The following PPM1A variants were observed in gnomAD, a reference collection of about 807,000 sequenced individuals.
PPM1A encodes protein phosphatase, Mg2+/Mn2+ dependent 1A.
A neutral mutation model predicts 35.0 loss-of-function variants in PPM1A; 7 were observed. That is an observed-to-expected ratio of 0.20 (90% confidence interval 0.11 to 0.38). The LOEUF is 0.38. PPM1A is among the 10% of genes least tolerant of loss of function. PPM1A has a pLI of 1.00. For missense variants in PPM1A, 239 were observed against 467.8 expected, an observed-to-expected ratio of 0.51 and a Z score of 4.51; for synonymous variants, 153 against 167.3, an observed-to-expected ratio of 0.91 and a Z score of 0.66.
At chr14:60,271,848 C>T (rs991955355) in intron 1 of PPM1A, among the ~76,000 whole-genome samples, 4 of 151,810 alleles carry the variant, frequency 2.6e-5, no homozygotes, top group African/African-American at 9.7e-5. Flanking sequence ...TGATATTTAC[C>T]TAGGTATTCC....
chr14:60,245,896 A>G (rs1015148369), upstream of PPM1A: 32 of 1,590,750 alleles, frequency 2.0e-5, no homozygotes, highest in Non-Finnish European at 2.7e-5. The surrounding 1 kb of genome is among the most constrained non-coding windows in gnomAD (Gnocchi z 4.2). Context: ...AATTTGTACT[A>G]AGCTAATGAA....
chr14:60,246,068 G>T (rs1197021445), upstream of PPM1A: 1 of 1,548,054 alleles, frequency 6.5e-7, no homozygotes. Flanking sequence ...GGAAGGAATT[G>T]TTGAACCTAT....
chr14:60,290,494 TAATA>T (rs1887522953), intron 4 of PPM1A, among the ~76,000 whole-genome samples: 1 of 152,180 alleles, frequency 6.6e-6, no homozygotes, highest in Non-Finnish European at 1.5e-5. Flanking sequence ...CACCTTTACA[TAATA>T]AAGTGGAAAA....
upstream of PPM1A, among the ~76,000 whole-genome samples, chr14:60,246,584 CAA>C (rs1881797939): frequency 6.6e-6 from 1 of 152,110 alleles, no homozygotes; most frequent in African/African-American, 2.4e-5. Context: ...AGAGGCCCGG[CAA>C]AGTCTTACAG....
At chr14:60,270,430 A>T in intron 1 of PPM1A, among the ~76,000 whole-genome samples, 1 of 151,666 alleles carries the variant, frequency 6.6e-6, no homozygotes, top group East Asian at 1.9e-4. Context: ...TTACTTTTTT[A>T]TTTCAGAATT....
chr14:60,255,894 A>G (rs1038636048), intron 1 of PPM1A, among the ~76,000 whole-genome samples: 6 of 152,204 alleles, frequency 3.9e-5, no homozygotes, highest in African/African-American at 1.4e-4. Context: ...ATAATCACAT[A>G]TCTCTTTTCA....
chr14:60,256,939 C>G (rs1257663979), intron 1 of PPM1A: 2 of 152,048 alleles, frequency 1.3e-5, no homozygotes, highest in African/African-American at 4.8e-5. Flanking sequence ...CCATTGTATC[C>G]AGAGAGTGAA....
rs1212564761 is a variant in PPM1A, at chr14:60,294,351, A to T, written c.*1869A>T. 6.6e-6 allele frequency: 1 copy of T among 151,924 alleles called. No individual in the cohort carries two copies. The highest frequency in any genetic ancestry group is 1.9e-4 in the East Asian group (1 of 5,194). The allele number at this position is 151,924 out of a possible 1,614,324, so 9.4% of individuals were successfully genotyped here. On this transcript the variant is annotated 3_prime_UTR_variant, in exon 6 of 6. Coordinates refer to ENST00000395076, the MANE Select transcript of PPM1A (RefSeq NM_021003.5). ...ACTGAAGTACTATTTATATTTAGAAATTCATATCAGTTGAAATTACAGAAC... is the reference window on the plus strand; with the variant it reads ...ACTGAAGTACTATTTATATTTAGAATTTCATATCAGTTGAAATTACAGAAC...
intron 3 of PPM1A, chr14:60,286,194 C>G (rs12434739): frequency 0.06 from 59,592 of 985,776 alleles, 1,992 homozygotes; most frequent in Middle Eastern, 0.097. Flanking sequence ...ACAGCCTCAT[C>G]ATTAGCAACT....
intron 3 of PPM1A, chr14:60,288,261 A>C (rs1158172998): frequency 1.0e-6 from 1 of 965,806 alleles, no homozygotes; most frequent in South Asian, 4.8e-5. Flanking sequence ...AACAAAAGAG[A>C]TGTAAGATAC....
At chr14:60,249,150 G>C, upstream of PPM1A, 1 of 871,032 alleles carries the variant, frequency 1.1e-6, no homozygotes, top group Non-Finnish European at 1.4e-6. This position sits in a 1 kb window ranked among gnomAD's most constrained non-coding sequence, Gnocchi z 4.5. Flanking sequence ...GGCGGAGCCA[G>C]CGGGGCGGGG....
chr14:60,284,573 C>T (rs1421840977), intron 2 of PPM1A, among the ~76,000 whole-genome samples: 2 of 148,106 alleles, frequency 1.4e-5, no homozygotes, highest in African/African-American at 2.5e-5. Context: ...ACCCGGGAGG[C>T]GGAGCTTGCA....
chr14:60,275,181 G>C (rs1188537710), intron 1 of PPM1A, among the ~76,000 whole-genome samples: 1 of 147,246 alleles, frequency 6.8e-6, no homozygotes. Context: ...TTTTAGTTTT[G>C]TTCTGTGACA....
At chr14:60,260,635 C>T (rs557288094) in intron 1 of PPM1A, among the ~76,000 whole-genome samples, 6 of 152,188 alleles carry the variant, frequency 3.9e-5, no homozygotes, top group Admixed American at 3.9e-4. Context: ...AATTTTAGAA[C>T]ATTTTCATCA....
In PPM1A at chr14:60,279,650, C is replaced by T. The variant is rs568948858; in HGVS notation, c.-20-3034C>T. Among the ~76,000 whole-genome samples the T allele has an allele frequency of 8.5e-5, 13 of 152,322 alleles. No homozygotes were observed. In the South Asian group the frequency reaches 2.7e-3, roughly 32 times the overall value. ...TTGAACCAATTTAAACTCCTATCGGCACTCTAGGGGAGTTCCTGTTTCTCC... is the reference window on the plus strand; with the variant it reads ...TTGAACCAATTTAAACTCCTATCGGTACTCTAGGGGAGTTCCTGTTTCTCC... On this transcript the variant is annotated intron_variant, in intron 1 of 5. Transcript: ENST00000395076.
In PPM1A at chr14:60,283,576, GCCA is replaced by G; in HGVS notation, c.834+40_834+42del. Reference sequence around the variant, plus strand: ...TTTTAAAAACATAAAATGATTTTATGCCATATTAATCACTACTCTAGTATTTAA... The same window carrying G: ...TTTTAAAAACATAAAATGATTTTATGTATTAATCACTACTCTAGTATTTAA... On this transcript the variant is annotated intron_variant, in intron 2 of 5. Transcript: ENST00000395076. This position sits in a 1 kb window ranked among gnomAD's most constrained non-coding sequence, Gnocchi z 6.3. 1 of 1,550,536 alleles carries G rather than the reference GCCA, an allele frequency of 6.4e-7. No individual in the cohort carries two copies. The highest frequency in any genetic ancestry group is 8.7e-7 in the Non-Finnish European group (1 of 1,152,016).
intron 1 of PPM1A, among the ~76,000 whole-genome samples, chr14:60,275,109 A>G (rs8012441): frequency 0.36 from 52,196 of 146,470 alleles, 9,989 homozygotes; most frequent in African/African-American, 0.51. Flanking sequence ...TGGCAGTTTT[A>G]GAGATTTAGA....
upstream of PPM1A, among the ~76,000 whole-genome samples, chr14:60,247,891 T>G (rs185665423): frequency 2.0e-5 from 3 of 152,216 alleles, no homozygotes; most frequent in African/African-American, 7.2e-5. Flanking sequence ...TTTACCTTTT[T>G]TACTGGCCAG....
chr14:60,258,339 A>C (rs7158657), intron 1 of PPM1A, among the ~76,000 whole-genome samples: 71,292 of 151,902 alleles, frequency 0.47, 20,406 homozygotes, highest in African/African-American at 0.81. Flanking sequence ...TACTTGGCTT[A>C]TTGTGTAGAG....
Sources: allele counts gnomAD v4.1 joint callset (sites outside exome capture counted in the v4.1 genomes callset), GRCh38; gene constraint gnomAD v4.1.1; non-coding constraint Gnocchi (gnomAD v3.1); transcripts MANE v1.5; gene names NCBI Gene and HGNC (gene_info 2026-07-23, HGNC 2026-07-21).